Variants in KREMEN1 observed in about 807,000 individuals in gnomAD.
KREMEN1 encodes kremen protein 1.
Under a neutral mutation model 46.5 loss-of-function variants are expected in KREMEN1, and 30 were observed. The ratio of observed to expected loss-of-function variants is 0.65; its 90% CI spans 0.48 to 0.88. The LOEUF (loss-of-function observed/expected upper bound fraction) is 0.88. Among genes scored for constraint, KREMEN1 ranks in the 40% least tolerant of loss-of-function variants. The pLI is 0.00. For synonymous variants in KREMEN1, 214 were observed against 230.6 expected, an observed-to-expected ratio of 0.93 and a Z score of 0.65; for missense variants, 533 against 596.9, an observed-to-expected ratio of 0.89 and a Z score of 1.11.
chr22:29,149,052 T>C (rs962988685), downstream of KREMEN1, among the ~76,000 whole-genome samples: 2 of 152,068 alleles, frequency 1.3e-5, no homozygotes, highest in Non-Finnish European at 2.9e-5. Flanking sequence ...CCTGGAAGCA[T>C]TGCCTCGACA....
In KREMEN1 at chr22:29,144,400, G is replaced by A; in HGVS notation, c.*2288G>A. ...AAACGGAGCAATGTGTCACAGGCAG[G>A]CAGGGGCAGGACTGCCACCCCAGGC... is the stretch of plus-strand genomic sequence containing the variant. On this transcript the variant is annotated 3_prime_UTR_variant, in exon 9 of 9. Transcript: ENST00000400335. The A allele has an allele frequency of 1.0e-6, 1 of 985,942 alleles. No homozygotes were observed. Among genetic ancestry groups the A allele is most frequent in the Non-Finnish European group, 1.2e-6 (1 of 830,292 alleles). 61.1% of individuals were successfully genotyped at this position (985,942 alleles called of 1,614,324 possible).
At position 29,145,035 on chromosome 22, in the gene KREMEN1, T is replaced by C. The variant is rs1168639611; in HGVS notation, c.*2923T>C. ...AGCGTACGGGCAGGAGGGCTGTAAA[T>C]CATCCCAGGCTAAGCCTCCGTGGGC... is the stretch of plus-strand genomic sequence containing the variant. On this transcript the variant is annotated 3_prime_UTR_variant, in exon 9 of 9. Transcript: ENST00000400335. 2 of 985,290 alleles carry C rather than the reference T, an allele frequency of 2.0e-6. No homozygotes were observed. Among genetic ancestry groups the C allele is most frequent in the East Asian group, 2.3e-4 (2 of 8,804 alleles). 61.0% of individuals were successfully genotyped at this position (985,290 alleles called of 1,614,324 possible).
chr22:29,159,566 C>T (rs2038993048), intron 9 of KREMEN1, among the ~76,000 whole-genome samples: 1 of 152,080 alleles, frequency 6.6e-6, no homozygotes, highest in Non-Finnish European at 1.5e-5. Context: ...TTGCAGTGAG[C>T]CGAGATCACG....
intron 3 of KREMEN1, among the ~76,000 whole-genome samples, chr22:29,106,780 T>C (rs907159154): frequency 1.6e-4 from 25 of 152,200 alleles, no homozygotes; most frequent in African/African-American, 5.8e-4. Flanking sequence ...TCTTTGTGAA[T>C]TGTTTGGGAA....
chr22:29,150,153 T>C (rs893259075), downstream of KREMEN1, among the ~76,000 whole-genome samples: 1 of 152,224 alleles, frequency 6.6e-6, no homozygotes, highest in Non-Finnish European at 1.5e-5. Flanking sequence ...GAAGTCTTCA[T>C]TTCTGGTCTC....
chr22:29,139,919 C>G (rs2038734542), intron 7 of KREMEN1, among the ~76,000 whole-genome samples: 1 of 152,220 alleles, frequency 6.6e-6, no homozygotes, highest in Non-Finnish European at 1.5e-5. Flanking sequence ...ATATCTCATT[C>G]CTCGGATGAG....
chr22:29,096,893 A>C (rs2037891083), intron 2 of KREMEN1, among the ~76,000 whole-genome samples: 1 of 152,252 alleles, frequency 6.6e-6, no homozygotes, highest in Non-Finnish European at 1.5e-5. Flanking sequence ...CTGACACCCG[A>C]CACCATGTTT....
intron 2 of KREMEN1, 110 bp downstream of exon 2, chr22:29,094,530 G>C (rs1390415951): frequency 8.6e-6 from 7 of 818,414 alleles, no homozygotes; most frequent in South Asian, 3.7e-5. Context: ...ACCAACTCAA[G>C]AGACTTATCT....
chr22:29,134,416 C>G (rs1250329279), intron 5 of KREMEN1, among the ~76,000 whole-genome samples: 1 of 152,194 alleles, frequency 6.6e-6, no homozygotes, highest in Admixed American at 6.5e-5. Context: ...CGTGGCCCCT[C>G]AAAGTGTTGG....
At chr22:29,090,224 C>G (rs993841918) in intron 1 of KREMEN1, among the ~76,000 whole-genome samples, 3 of 152,062 alleles carry the variant, frequency 2.0e-5, no homozygotes, top group Admixed American at 6.6e-5. Flanking sequence ...ACAGTTGGCT[C>G]TGTGTGTGTG....
intron 9 of KREMEN1, chr22:29,166,992 TGCCTAGG>T (rs2039058240): frequency 2.2e-6 from 3 of 1,373,084 alleles, no homozygotes; most frequent in East Asian, 2.5e-5. Flanking sequence ...TCTCCCTCCG[TGCCTAGG>T]GCTGTACTTT....
intron 5 of KREMEN1, among the ~76,000 whole-genome samples, chr22:29,134,460 A>G (rs1210447513): frequency 6.6e-6 from 1 of 152,130 alleles, no homozygotes; most frequent in Non-Finnish European, 1.5e-5. Flanking sequence ...CCTTGCCTCC[A>G]GTAGATTATT....
chr22:29,077,023 C>G (rs985796472), intron 1 of KREMEN1, among the ~76,000 whole-genome samples: 1 of 152,058 alleles, frequency 6.6e-6, no homozygotes, highest in South Asian at 2.1e-4. Flanking sequence ...CATAGTTAGA[C>G]CAAAAGCAAT....
At position 29,095,599 on chromosome 22, in the gene KREMEN1, G is replaced by A. The variant is rs189452511; in HGVS notation, c.260+1179G>A. 1.2e-3 allele frequency among the ~76,000 whole-genome samples: 181 copies of A among 152,320 alleles called. 2 individuals carry two copies. The highest frequency in any genetic ancestry group is 8.3e-3 in the South Asian group (40 of 4,830). Reference sequence around the variant, plus strand: ...TTGTTGAACTATATACCCTGTCCCTGGTTCTACATACATTGGAATCTCAAC... The same window carrying A: ...TTGTTGAACTATATACCCTGTCCCTAGTTCTACATACATTGGAATCTCAAC... On this transcript the variant is annotated intron_variant, in intron 2 of 8. Transcript: ENST00000400335.
chr22:29,130,714 T>G lies in KREMEN1; in HGVS notation c.631+5298T>G, dbSNP rs1054146253. ...TGCCTGAGGCTTCTTCCCAAAGAAA[T>G]GGACTCAGCTAGTATCGAGAAGGAG... On this transcript the variant is annotated intron_variant, in intron 5 of 8. Transcript: ENST00000400335. Among the ~76,000 whole-genome samples the G allele has an allele frequency of 2.6e-5, 4 of 152,180 alleles. No homozygotes were observed. The South Asian group carries it at 8.3e-4, about 32-fold the overall frequency.
At chr22:29,164,143 C>A (rs185152160) in intron 9 of KREMEN1, among the ~76,000 whole-genome samples, 21 of 152,332 alleles carry the variant, frequency 1.4e-4, no homozygotes, top group Non-Finnish European at 2.6e-4. Flanking sequence ...AAAGAACAGT[C>A]CAGATGTAAG....
Position 29,094,328 on chromosome 22 carries a change from AT to A in KREMEN1, c.169del (p.Cys57ValfsTer15). 6.2e-7 allele frequency: 1 copy of A among 1,613,762 alleles called. No homozygotes were observed. Among genetic ancestry groups the A allele is most frequent in the Non-Finnish European group, 8.5e-7 (1 of 1,179,712 alleles). On this transcript the variant is annotated frameshift_variant, in exon 2 of 9. Transcript: ENST00000400335. LOFTEE classifies it high-confidence loss of function. Reference protein sequence around the residue: ...NWTALQGGKPCLFWNETFQHP... With the variant: ...NWTALQGGKPXLFWNETFQHP... ...GGACAGCACTACAAGGCGGGAAGCC[AT>A]GTCTGTTTTGGAACGAGACTTTCCA...
At chr22:29,140,658 G>A (rs1464174922) in intron 8 of KREMEN1, among the ~76,000 whole-genome samples, 1 of 152,182 alleles carries the variant, frequency 6.6e-6, no homozygotes, top group African/African-American at 2.4e-5. Context: ...AGTCCCTTAC[G>A]GAGATCTTTA....
chr22:29,133,255 A>AAAAAAAAAG (rs1556014289), intron 5 of KREMEN1, among the ~76,000 whole-genome samples: 1 of 150,980 alleles, frequency 6.6e-6, no homozygotes, highest in Non-Finnish European at 1.5e-5. Context: ...CTCAAAAAAA[A>AAAAAAAAAG]AAAAAAGAAA....
Sources: gnomAD v4.1 joint callset for allele counts (sites outside exome capture counted in the v4.1 genomes callset) on GRCh38, gnomAD v4.1.1 for gene constraint, MANE v1.5 for transcripts, NCBI Gene and HGNC (gene_info 2026-07-23, HGNC 2026-07-21) for gene names.